The following ADGRL4 variants were observed in gnomAD, a reference collection of about 807,000 sequenced individuals.
ADGRL4 encodes the protein EGF, latrophilin and seven transmembrane domain containing 1.
A neutral mutation model predicts 74.8 loss-of-function variants in ADGRL4; 90 were observed. That is an observed-to-expected ratio of 1.20 (90% CI 1.02 to 1.43). The LOEUF is 1.43. Among genes scored for constraint, ADGRL4 ranks in the 40% most tolerant of loss-of-function variants. ADGRL4 has a pLI of 0.00. For synonymous variants in ADGRL4, 311 were observed against 279.2 expected, an observed-to-expected ratio of 1.11 and a Z score of -1.14; for missense variants, 881 against 814.3, an observed-to-expected ratio of 1.08 and a Z score of -1.00.
intron 12 of ADGRL4, among the ~76,000 whole-genome samples, chr1:78,915,985 G>A (rs1261754050): frequency 6.6e-6 from 1 of 151,732 alleles, no homozygotes; most frequent in Non-Finnish European, 1.5e-5. Flanking sequence ...CTGACCCCCT[G>A]GTTAACCTGG....
chr1:78,979,694 T>C (rs547746709), intron 2 of ADGRL4, among the ~76,000 whole-genome samples: 1 of 151,916 alleles, frequency 6.6e-6, no homozygotes, highest in African/African-American at 2.4e-5. Flanking sequence ...GTAGAATGTA[T>C]ACACCATGGA....
intron 12 of ADGRL4, among the ~76,000 whole-genome samples, chr1:78,916,795 T>A (rs1232670882): frequency 6.6e-6 from 1 of 151,890 alleles, no homozygotes; most frequent in Non-Finnish European, 1.5e-5. Context: ...GTCCAAAATA[T>A]TGCCATAACT....
rs1291558367 is a variant in ADGRL4 at position 78,986,362 on chromosome 1, G to A, written c.172+18708C>T. On this transcript the variant is annotated intron_variant, in intron 2 of 14. Transcript: ENST00000370742. Reference sequence around the variant, plus strand: ...GTTTTTGTAATCCTAGCATTTGGGAGGTCAAGGCAGGAGGACTGTTTGAGG... The same window carrying A: ...GTTTTTGTAATCCTAGCATTTGGGAAGTCAAGGCAGGAGGACTGTTTGAGG... Among the ~76,000 whole-genome samples, 7 of 151,710 alleles carry A rather than the reference G, an allele frequency of 4.6e-5. No individual in the cohort carries two copies. The Admixed American group carries it at 4.6e-4, about 10-fold the overall frequency.
chr1:78,999,906 G>C (rs1021552996), intron 2 of ADGRL4, among the ~76,000 whole-genome samples: 1 of 151,252 alleles, frequency 6.6e-6, no homozygotes, highest in South Asian at 2.1e-4. Flanking sequence ...ACAGAAAATG[G>C]TATTCTTAAT....
chr1:78,973,094 A>C (rs1472954634), intron 2 of ADGRL4, among the ~76,000 whole-genome samples: 2 of 152,184 alleles, frequency 1.3e-5, no homozygotes, highest in South Asian at 2.1e-4. Context: ...TTTTCCTTCC[A>C]GTTTTAGTCT....
intron 2 of ADGRL4, among the ~76,000 whole-genome samples, chr1:78,981,725 C>G (rs962757889): frequency 6.6e-6 from 1 of 151,576 alleles, no homozygotes; most frequent in Non-Finnish European, 1.5e-5. Context: ...TGGTTTACCC[C>G]AGTTTTATAA....
chr1:78,917,726 C>T, intron 11 of ADGRL4, 26 bp from the exon 12 acceptor site: 1 of 1,593,886 alleles, frequency 6.3e-7, no homozygotes, highest in Non-Finnish European at 8.6e-7. Context: ...AAGATAGAAT[C>T]TATAAATATG....
intron 2 of ADGRL4, among the ~76,000 whole-genome samples, chr1:78,998,302 G>T (rs1441708658): frequency 2.7e-5 from 4 of 149,774 alleles, no homozygotes; most frequent in African/African-American, 7.4e-5. Context: ...TGATGAACAG[G>T]AGTTAAACTC....
intron 2 of ADGRL4, among the ~76,000 whole-genome samples, chr1:78,947,680 G>C (rs1400673667): frequency 6.6e-6 from 1 of 152,060 alleles, no homozygotes; most frequent in Non-Finnish European, 1.5e-5. Flanking sequence ...AGAAAGAGAA[G>C]AAGAAAGGAA....
chr1:78,970,721 T>C (rs557966139), intron 2 of ADGRL4, among the ~76,000 whole-genome samples: 4 of 152,278 alleles, frequency 2.6e-5, no homozygotes, highest in East Asian at 1.9e-4. Context: ...TGGGACTCCA[T>C]TGAAAAAATC....
intron 3 of ADGRL4, among the ~76,000 whole-genome samples, chr1:78,942,570 A>G (rs1393149697): frequency 6.6e-6 from 1 of 152,154 alleles, no homozygotes; most frequent in Non-Finnish European, 1.5e-5. Context: ...AACTTATTTG[A>G]TTTTAAACTA....
intron 3 of ADGRL4, among the ~76,000 whole-genome samples, chr1:78,941,429 A>T (rs935309422): frequency 7.2e-5 from 11 of 152,244 alleles, no homozygotes; most frequent in African/African-American, 2.7e-4. Context: ...AAGTATCATA[A>T]ACAACACCAA....
chr1:78,958,085 T>TA (rs1488488679), intron 2 of ADGRL4, among the ~76,000 whole-genome samples: 5 of 152,122 alleles, frequency 3.3e-5, no homozygotes, highest in East Asian at 1.9e-4. Context: ...AGCCCATTGT[T>TA]AAAAAAATAA....
In ADGRL4 at chr1:78,982,077, AAATATT is replaced by A. The variant is rs927160611; in HGVS notation, c.172+22987_172+22992del. On this transcript the variant is annotated intron_variant, in intron 2 of 14. Coordinates refer to ENST00000370742, the MANE Select transcript of ADGRL4 (RefSeq NM_022159.4). ...CACAAATTTTGCATTCATATGCTTT[AAATATT>A]AATATTATTTTTGAATTTTGCTGAT... 1.1e-4 allele frequency among the ~76,000 whole-genome samples: 16 copies of A among 152,002 alleles called. 1 individual carries two copies. Among genetic ancestry groups the A allele is most frequent in the African/African-American group, 3.4e-4 (14 of 41,528 alleles).
At position 78,913,800 on chromosome 1, in the gene ADGRL4, AC is replaced by A. The variant is rs1186960101; in HGVS notation, c.1749+3833del. 2.0e-5 allele frequency among the ~76,000 whole-genome samples: 3 copies of A among 151,996 alleles called. No individual in the cohort carries two copies. The East Asian group carries it at 5.8e-4, about 30-fold the overall frequency. ...TAAAAGTTAAATAAAATAAAACAAA[AC>A]AAAGTATAAATTAAAATAAAACCTC... On this transcript the variant is annotated intron_variant, in intron 12 of 14. Transcript: ENST00000370742.
chr1:78,990,736 G>A (rs925412645), intron 2 of ADGRL4, among the ~76,000 whole-genome samples: 1 of 151,838 alleles, frequency 6.6e-6, no homozygotes, highest in Non-Finnish European at 1.5e-5. Flanking sequence ...AGTTGAAGAA[G>A]CATAACACTA....
At chr1:78,960,684 C>G (rs902449521) in intron 2 of ADGRL4, among the ~76,000 whole-genome samples, 2 of 152,060 alleles carry the variant, frequency 1.3e-5, no homozygotes, top group African/African-American at 4.8e-5. Context: ...AAATCCTAAC[C>G]CCCAAGGTGA....
intron 2 of ADGRL4, among the ~76,000 whole-genome samples, chr1:78,970,865 G>A (rs1650154105): frequency 6.6e-6 from 1 of 152,122 alleles, no homozygotes; most frequent in Non-Finnish European, 1.5e-5. Context: ...TAAACTGGTT[G>A]GTTTAGGATT....
At position 78,920,242 on chromosome 1, in the gene ADGRL4, A is replaced by G; in HGVS notation, c.1402T>C (p.Cys468Arg). 6.2e-7 allele frequency: 1 copy of G among 1,612,122 alleles called. No homozygotes were observed. Among genetic ancestry groups the G allele is most frequent in the African/African-American group, 1.3e-5 (1 of 74,922 alleles). The change falls in exon 10 of 15, where the codon TGT (cysteine) becomes CGT (arginine). Residue 468 changes from cysteine (C) to arginine (R), a missense_variant. Coordinates refer to ENST00000370742, the MANE Select transcript of ADGRL4 (RefSeq NM_022159.4). ...ACAAGTTCAGCAAGAAATAGGCTACAGCAAAGATTTTTGTGAATTGTTGTC... is the reference window on the plus strand; with the variant it reads ...ACAAGTTCAGCAAGAAATAGGCTACGGCAAAGATTTTTGTGAATTGTTGTC... The part of the protein sequence containing the change: ...TRTTIHKNLC[C>R]SLFLAELVFL...
Sources: gnomAD v4.1 joint callset for allele counts (sites outside exome capture counted in the v4.1 genomes callset) on GRCh38, gnomAD v4.1.1 for gene constraint, MANE v1.5 for transcripts, NCBI Gene and HGNC (gene_info 2026-07-23, HGNC 2026-07-21) for gene names.